Variants in MELK observed in about 807,000 individuals in gnomAD.
MELK encodes pEg3 kinase.
Under a neutral mutation model 85.0 loss-of-function variants are expected in MELK, and 81 were observed. The ratio of observed to expected loss-of-function variants is 0.95; its 90% CI spans 0.80 to 1.15. MELK has a LOEUF of 1.15. MELK is among the 50% of genes most tolerant of loss of function. The pLI, the probability that MELK is intolerant of heterozygous loss-of-function variation, is 0.00. For missense variants in MELK, 754 were observed against 777.5 expected, an observed-to-expected ratio of 0.97 and a Z score of 0.36; for synonymous variants, 252 against 265.0, an observed-to-expected ratio of 0.95 and a Z score of 0.48.
At chr9:36,646,273 G>C (rs953580303) in intron 11 of MELK, among the ~76,000 whole-genome samples, 2 of 152,138 alleles carry the variant, frequency 1.3e-5, no homozygotes, top group Non-Finnish European at 2.9e-5. Flanking sequence ...GACTAGCCAG[G>C]GTCTGTTATG....
intron 8 of MELK, among the ~76,000 whole-genome samples, chr9:36,610,995 A>T (rs1826008289): frequency 6.6e-6 from 1 of 152,112 alleles, no homozygotes; most frequent in Admixed American, 6.6e-5. Context: ...TTGAGTGCTG[A>T]GTTGATGCTC....
intron 3 of MELK, among the ~76,000 whole-genome samples, chr9:36,585,302 GTTTTTTT>G (rs869244728): frequency 1.3e-5 from 1 of 77,830 alleles, no homozygotes; most frequent in East Asian, 3.9e-4. Flanking sequence ...ACCATTCTTT[GTTTTTTT>G]TTTTTTTTTT....
At chr9:36,610,554 C>T (rs928427643) in intron 8 of MELK, among the ~76,000 whole-genome samples, 2 of 152,312 alleles carry the variant, frequency 1.3e-5, no homozygotes, top group Non-Finnish European at 2.9e-5. Context: ...GGCTGGAGGC[C>T]GGCCTCCTAG....
intron 1 of MELK, among the ~76,000 whole-genome samples, chr9:36,574,430 C>CAAAAAAAAAAA (rs78915626): frequency 1.8e-4 from 14 of 79,874 alleles, no homozygotes; most frequent in Non-Finnish European, 2.9e-4. Context: ...ACTAAAAATA[C>CAAAAAAAAAAA]AAAAAAAAAA....
At chr9:36,607,771 ATT>A in intron 8 of MELK, 98 bp downstream of exon 8, 1 of 882,588 alleles carries the variant, frequency 1.1e-6, no homozygotes, top group Non-Finnish European at 1.8e-6. Flanking sequence ...CATAAAAGTT[ATT>A]CTCTGCTGTT....
chr9:36,603,224 G>A (rs998641342), intron 7 of MELK, among the ~76,000 whole-genome samples: 4 of 152,170 alleles, frequency 2.6e-5, no homozygotes, highest in Admixed American at 6.5e-5. Flanking sequence ...ATGATGCAGA[G>A]CTCAGGGTGG....
chr9:36,616,033 G>C (rs1467060738), intron 8 of MELK, among the ~76,000 whole-genome samples: 1 of 152,014 alleles, frequency 6.6e-6, no homozygotes. Flanking sequence ...GCCCCGCGGG[G>C]CCCGTCCGCT....
intron 1 of MELK, among the ~76,000 whole-genome samples, chr9:36,579,078 A>G (rs1821937386): frequency 6.6e-6 from 1 of 151,820 alleles, no homozygotes. Context: ...CCCAGGCTGG[A>G]GTGCAGTGGC....
intron 11 of MELK, among the ~76,000 whole-genome samples, chr9:36,643,447 C>T (rs1829943670): frequency 1.3e-5 from 2 of 152,070 alleles, no homozygotes; most frequent in Admixed American, 6.6e-5. Flanking sequence ...TTTCATTGTT[C>T]TTTATTTTAT....
intron 4 of MELK, 79 bp from the exon 5 acceptor site, chr9:36,594,549 A>G (rs1823977453): frequency 1.3e-6 from 2 of 1,495,056 alleles, no homozygotes; most frequent in Non-Finnish European, 1.8e-6. Flanking sequence ...CTCTGAGTTA[A>G]GTGTACTTTT....
rs1361833915 is a variant in MELK, at chr9:36,674,856, C to A, written c.1697C>A (p.Thr566Asn). Residue 566 changes from threonine to asparagine, a missense_variant, in exon 17 of 18, where the codon ACT becomes AAT. Thr to Asn is a moderately conservative substitution (Grantham distance 65). Transcript: ENST00000298048. ...RLKLHYNVTT[T>N]RLVNPDQLLN... ...TAGCTTCACTATAACGTGACTACAA[C>A]TAGATTAGTGAATCCAGATCAACTG... is the stretch of plus-strand genomic sequence containing the variant. The A allele has an allele frequency of 3.1e-6, 5 of 1,588,348 alleles. No individual in the cohort carries two copies. Among genetic ancestry groups the A allele is most frequent in the African/African-American group, 2.7e-5 (2 of 74,594 alleles).
At chr9:36,603,881 G>T (rs753432592) in intron 7 of MELK, among the ~76,000 whole-genome samples, 1 of 152,092 alleles carries the variant, frequency 6.6e-6, no homozygotes, top group Non-Finnish European at 1.5e-5. Flanking sequence ...AGTGTTGGTA[G>T]CACTATGGGG....
At chr9:36,657,089 G>T (rs145471164) in intron 12 of MELK, 152 bp from the exon 13 acceptor site, 1 of 916,562 alleles carries the variant, frequency 1.1e-6, no homozygotes, top group South Asian at 1.8e-5. Flanking sequence ...GTCTCAGTTT[G>T]TGTAAGTACA....
At chr9:36,580,618 TC>T (rs975857756) in intron 1 of MELK, among the ~76,000 whole-genome samples, 24 of 148,696 alleles carry the variant, frequency 1.6e-4, no homozygotes, top group African/African-American at 5.7e-4. Context: ...TTGCCCAGCT[TC>T]GTGTCTTTTT....
chr9:36,675,983 T>C (rs1833309682), intron 17 of MELK, among the ~76,000 whole-genome samples: 3 of 152,154 alleles, frequency 2.0e-5, no homozygotes, highest in Non-Finnish European at 2.9e-5. Context: ...CAGGCTTCAT[T>C]AGAACACATC....
intron 13 of MELK, among the ~76,000 whole-genome samples, chr9:36,658,977 G>A (rs12375924): frequency 2.2e-3 from 332 of 151,742 alleles, no homozygotes; most frequent in Non-Finnish European, 3.5e-3. Flanking sequence ...CGCCTCCTGG[G>A]TTCATGCCAT....
At chr9:36,651,328 A>G (rs1262763348) in intron 11 of MELK, among the ~76,000 whole-genome samples, 2 of 152,214 alleles carry the variant, frequency 1.3e-5, no homozygotes, top group Non-Finnish European at 1.5e-5. Context: ...TAATAATGCA[A>G]ATATTAACTT....
chr9:36,573,579 C>T (rs1357274782), intron 1 of MELK, among the ~76,000 whole-genome samples: 1 of 152,120 alleles, frequency 6.6e-6, no homozygotes, highest in Non-Finnish European at 1.5e-5. Context: ...GATCTCGGCT[C>T]ACCGCAACCT....
intron 12 of MELK, among the ~76,000 whole-genome samples, chr9:36,653,904 A>T (rs1221736101): frequency 1.3e-5 from 2 of 152,140 alleles, no homozygotes; most frequent in African/African-American, 4.8e-5. Flanking sequence ...CTCATCAGTC[A>T]TGTGCTACAG....
Sources: allele counts gnomAD v4.1 joint callset (sites outside exome capture counted in the v4.1 genomes callset), GRCh38; gene constraint gnomAD v4.1.1; transcripts MANE v1.5; gene names NCBI Gene and HGNC (gene_info 2026-07-23, HGNC 2026-07-21).